Variants in SLC19A1 observed in about 807,000 individuals in gnomAD.
The protein encoded by SLC19A1 is solute carrier family 19 member 1.
Under a neutral mutation model 35.3 loss-of-function variants are expected in SLC19A1, and 37 were observed. That is an observed-to-expected ratio of 1.05 (90% CI 0.81 to 1.38). The LOEUF is 1.38. Ranked by LOEUF, SLC19A1 falls within the 40% of genes most tolerant of loss-of-function variation. The probability of loss-of-function intolerance (pLI) is 0.00; values close to 1 mark genes in which losing one functional copy is unlikely to be tolerated. For synonymous variants in SLC19A1, 460 were observed against 398.5 expected (o/e 1.15, Z -1.84); for missense variants, 831 against 826.9 (o/e 1.00, Z -0.06).
chr21:45,529,511 A>T (rs890398536), intron 4 of SLC19A1, among the ~76,000 whole-genome samples: 34 of 152,280 alleles, frequency 2.2e-4, no homozygotes, highest in Admixed American at 2.2e-3. Context: ...GGACCCTGTG[A>T]GCACACAGGG....
At chr21:45,529,283 G>C (rs886218140) in intron 4 of SLC19A1, among the ~76,000 whole-genome samples, 2 of 152,256 alleles carry the variant, frequency 1.3e-5, no homozygotes, top group Admixed American at 1.3e-4. Context: ...GGATGCTGCA[G>C]GGGTGAGGCC....
At chr21:45,523,198 G>C (rs2077489948) in intron 5 of SLC19A1, among the ~76,000 whole-genome samples, 1 of 152,164 alleles carries the variant, frequency 6.6e-6, no homozygotes, top group Non-Finnish European at 1.5e-5. Context: ...AGGAAAGAGA[G>C]TGGACACTCG....
At chr21:45,527,190 AGCAGCTGGGTATGCCCG>A (rs1602760439) in intron 4 of SLC19A1, among the ~76,000 whole-genome samples, 9 of 78,924 alleles carry the variant, frequency 1.1e-4, no homozygotes, top group African/African-American at 1.0e-4. Context: ...GGAGGTGAGT[AGCAGCTGGGTATGCCCG>A]GGAGGGCCCT....
intron 4 of SLC19A1, among the ~76,000 whole-genome samples, chr21:45,528,113 C>CGGG (rs2077713208): frequency 2.7e-5 from 4 of 150,804 alleles, no homozygotes; most frequent in Non-Finnish European, 5.9e-5. Flanking sequence ...GGCAGGCAGG[C>CGGG]CGGCAGCAGG....
rs371175195 is a variant in SLC19A1, at chr21:45,517,371, C to T, written c.1294-1231G>A. Among the ~76,000 whole-genome samples, 15 of 152,108 alleles carry T rather than the reference C, an allele frequency of 9.9e-5. No homozygotes were observed. Among genetic ancestry groups the T allele is most frequent in the Admixed American group, 5.2e-4 (8 of 15,296 alleles). ...CATGTCAGCAAGGACCCCCCACCCT[C>T]GCCAGCCTGTAACAAGGACCCCCGA... On this transcript the variant is annotated intron_variant, in intron 5 of 5. Transcript: ENST00000311124. The surrounding 1 kb of genome is among the most constrained non-coding windows in gnomAD (Gnocchi z 4.4).
rs1268473660 is a variant in SLC19A1 at position 45,530,408 on chromosome 21, G to A, written c.1151+362C>T. On this transcript the variant is annotated intron_variant, in intron 4 of 5. Coordinates refer to ENST00000311124, the MANE Select transcript of SLC19A1 (RefSeq NM_194255.4). This position sits in a 1 kb window ranked among gnomAD's most constrained non-coding sequence, Gnocchi z 5.3. Reference sequence around the variant, plus strand: ...AGCGTGTGGTGTGTGTGTGGTGTGAGTGCCTGGTGTGAGTGTAAGCTGAGG... The same window carrying A: ...AGCGTGTGGTGTGTGTGTGGTGTGAATGCCTGGTGTGAGTGTAAGCTGAGG... Among the ~76,000 whole-genome samples, 3 of 152,112 alleles carry A rather than the reference G, an allele frequency of 2.0e-5. No homozygotes were observed. Among genetic ancestry groups the A allele is most frequent in the Non-Finnish European group, 4.4e-5 (3 of 68,022 alleles).
In SLC19A1 at chr21:45,516,125, C is replaced by G; in HGVS notation, c.1309G>C (p.Val437Leu). The G allele has an allele frequency of 6.2e-7, 1 of 1,606,872 alleles. No homozygotes were observed. Among genetic ancestry groups the G allele is most frequent in the Non-Finnish European group, 8.5e-7 (1 of 1,177,054 alleles). Residue 437 changes from valine (V) to leucine (L), a missense_variant, in exon 6 of 6, where the codon GTG becomes CTG. Transcript: ENST00000311124. The part of the protein sequence containing the change: ...PVRKQFQLYS[V>L]YFLILSIIYF... Reference sequence around the variant, plus strand: ...ATGATGGACAGGATCAGGAAGTACACGGAGTATAACTGGAACTGGAAAGAG... The same window carrying G: ...ATGATGGACAGGATCAGGAAGTACAGGGAGTATAACTGGAACTGGAAAGAG...
At chr21:45,529,567 G>A (rs1602785513) in intron 4 of SLC19A1, among the ~76,000 whole-genome samples, 1 of 152,028 alleles carries the variant, frequency 6.6e-6, no homozygotes, top group African/African-American at 2.4e-5. Context: ...TATGTGGTGG[G>A]AGTGTGTCAA....
At chr21:45,532,169 GC>G in intron 2 of SLC19A1, 21 bp from the exon 3 acceptor site, 1 of 1,559,564 alleles carries the variant, frequency 6.4e-7, no homozygotes, top group South Asian at 1.2e-5. Flanking sequence ...GCGGGCGTGC[GC>G]CCCACCAGGT....
intron 1 of SLC19A1, among the ~76,000 whole-genome samples, chr21:45,555,215 G>GCA (rs1264257178): frequency 3.2e-4 from 7 of 21,894 alleles, no homozygotes; most frequent in Non-Finnish European, 4.9e-4. Context: ...AGGGGGCGGT[G>GCA]GGGGGCGCCG....
At chr21:45,522,263 C>A (rs1301105145) in intron 5 of SLC19A1, among the ~76,000 whole-genome samples, 3 of 151,976 alleles carry the variant, frequency 2.0e-5, no homozygotes, top group Non-Finnish European at 2.9e-5. Flanking sequence ...ATATTATGCC[C>A]CAGGGAAATG....
chr21:45,550,755 C>T (rs987651859), intron 1 of SLC19A1, among the ~76,000 whole-genome samples: 1 of 152,156 alleles, frequency 6.6e-6, no homozygotes, highest in Non-Finnish European at 1.5e-5. Context: ...TTTTCACACG[C>T]AGTAGTGCAG....
At chr21:45,544,996 G>T (rs1424414982), upstream of SLC19A1, among the ~76,000 whole-genome samples, 1 of 152,238 alleles carries the variant, frequency 6.6e-6, no homozygotes, top group Non-Finnish European at 1.5e-5. Flanking sequence ...GGAGGCAGTG[G>T]CATTCGAGCA....
At chr21:45,528,114 C>CG (rs2077713494) in intron 4 of SLC19A1, among the ~76,000 whole-genome samples, 4 of 150,246 alleles carry the variant, frequency 2.7e-5, no homozygotes, top group Non-Finnish European at 5.9e-5. Flanking sequence ...GCAGGCAGGC[C>CG]GGCAGCAGGG....
intron 1 of SLC19A1, among the ~76,000 whole-genome samples, chr21:45,556,419 C>CA (rs1200505443): frequency 2.6e-5 from 4 of 152,254 alleles, no homozygotes; most frequent in Admixed American, 2.6e-4. Flanking sequence ...TGCTCCCCAC[C>CA]AGCGCCCGGG....
chr21:45,512,201 G>T (rs61736805), downstream of SLC19A1: 6,600 of 1,612,314 alleles, frequency 4.1e-3, 114 homozygotes, highest in African/African-American at 0.043. Flanking sequence ...CCAGAAGAGC[G>T]TGTGGCATGG....
Position 45,518,634 on chromosome 21 carries a change from C to T in SLC19A1, c.1294-2494G>A, listed in dbSNP as rs58762897. Among the ~76,000 whole-genome samples, 575 of 152,120 alleles carry T rather than the reference C, an allele frequency of 3.8e-3. 14 individuals carry two copies. The East Asian group carries it at 0.051, about 14-fold the overall frequency. On this transcript the variant is annotated intron_variant, in intron 5 of 5. Coordinates refer to ENST00000311124, the MANE Select transcript of SLC19A1 (RefSeq NM_194255.4). Reference sequence around the variant, plus strand: ...GTGGCCAGAGAAAAATGACACTTTACGGGCAAGCAATTTGAATAACAGTAA... The same window carrying T: ...GTGGCCAGAGAAAAATGACACTTTATGGGCAAGCAATTTGAATAACAGTAA...
intron 3 of SLC19A1, chr21:45,506,713 C>T (rs1185744931): frequency 1.2e-5 from 2 of 162,722 alleles, no homozygotes; most frequent in Non-Finnish European, 1.4e-5. Flanking sequence ...TCCTGGAGCC[C>T]TCCCACCTTC....
rs1457080866 is a variant in SLC19A1 at position 45,530,141 on chromosome 21, G to C, written c.1151+629C>G. Among the ~76,000 whole-genome samples the C allele has an allele frequency of 1.3e-5, 2 of 150,052 alleles. No homozygotes were observed. The highest frequency in any genetic ancestry group is 3.0e-5 in the Non-Finnish European group (2 of 67,460). On this transcript the variant is annotated intron_variant, in intron 4 of 5. Transcript: ENST00000311124. The surrounding 1 kb of genome is among the most constrained non-coding windows in gnomAD (Gnocchi z 5.3). ...GTGAGCGTGTGGTGTGTTCATGTGA[G>C]TGTGCATTGTGTGTCCGTGTGTGTG... is the stretch of plus-strand genomic sequence containing the variant.
Sources: allele counts gnomAD v4.1 joint callset (sites outside exome capture counted in the v4.1 genomes callset), GRCh38; gene constraint gnomAD v4.1.1; non-coding constraint Gnocchi (gnomAD v3.1); transcripts MANE v1.5; gene names NCBI Gene and HGNC (gene_info 2026-07-23, HGNC 2026-07-21).